Variants in NEBL observed in about 807,000 individuals in gnomAD.
NEBL encodes LIM and SH3 protein 2.
NEBL carries 122 observed loss-of-function variants against 140.2 expected under a neutral mutation model. The ratio of observed to expected loss-of-function variants is 0.87; its 90% CI spans 0.75 to 1.01. The LOEUF is 1.01. Ranked by LOEUF, NEBL falls within the 50% of genes least tolerant of loss-of-function variation. The probability of loss-of-function intolerance (pLI) is 0.00; values close to 1 mark genes in which losing one functional copy is unlikely to be tolerated. For missense variants in NEBL, 1,365 were observed against 1,231.3 expected (o/e 1.11, Z -1.62); for synonymous variants, 436 against 398.9 (o/e 1.09, Z -1.11).
intron 24 of NEBL, among the ~76,000 whole-genome samples, chr10:20,811,054 C>T (rs1007513382): frequency 7.9e-5 from 12 of 152,224 alleles, no homozygotes; most frequent in African/African-American, 1.9e-4. Flanking sequence ...AATCTCTAAA[C>T]GTGTATTTTC....
rs1277936811 is a variant in NEBL, at chr10:21,265,362, A to G, written n.183-13534T>C. The stretch of plus-strand genomic sequence containing the variant: ...GGGGCAGTGGGAGGGGGACACCAAC[A>G]TTCAAACCACAGCAGCCTCTTACTC... On this transcript the variant is annotated intron_variant and non_coding_transcript_variant, in intron 1 of 8. Transcript: ENST00000675702. Among the ~76,000 whole-genome samples the G allele has an allele frequency of 2.0e-5, 3 of 152,200 alleles. No homozygotes were observed. In the East Asian group the frequency reaches 5.8e-4, roughly 29 times the overall value.
intron 2 of NEBL, among the ~76,000 whole-genome samples, chr10:21,130,889 A>G (rs1839071463): frequency 6.6e-6 from 1 of 152,064 alleles, no homozygotes; most frequent in Non-Finnish European, 1.5e-5. Context: ...AATAAAAATT[A>G]GAGCAGAAAA....
At chr10:21,005,310 G>C (rs1334605480) in intron 3 of NEBL, among the ~76,000 whole-genome samples, 1 of 152,218 alleles carries the variant, frequency 6.6e-6, no homozygotes, top group Non-Finnish European at 1.5e-5. Flanking sequence ...TAAGAAATCA[G>C]CAGGGAGACC....
intron 2 of NEBL, among the ~76,000 whole-genome samples, chr10:21,160,991 G>T (rs1180118884): frequency 6.6e-6 from 1 of 151,980 alleles, no homozygotes; most frequent in Non-Finnish European, 1.5e-5. Context: ...TACCTTTGTA[G>T]ACATTATTCT....
chr10:20,880,919 T>A lies in NEBL; in HGVS notation c.370-15A>T, dbSNP rs751360526. 3 of 1,599,940 alleles carry A rather than the reference T, an allele frequency of 1.9e-6. No homozygotes were observed. Among genetic ancestry groups the A allele is most frequent in the South Asian group, 2.2e-5 (2 of 90,836 alleles). ...TTGTAGGCCACCTGAAAAACACAAA[T>A]AATTTTTAGTCCCATTTAGAGGCAT... On this transcript the variant is annotated splice_polypyrimidine_tract_variant and intron_variant, in intron 4 of 27. Coordinates refer to ENST00000377122, the MANE Select transcript of NEBL (RefSeq NM_006393.3).
intron 1 of NEBL, among the ~76,000 whole-genome samples, chr10:21,275,637 CTTTT>C (rs11396394): frequency 8.4e-6 from 1 of 119,522 alleles, no homozygotes; most frequent in African/African-American, 3.4e-5. Context: ...ACATTACCAG[CTTTT>C]TTTTTTTTTT....
At chr10:20,834,206 G>T (rs1052739082) in intron 14 of NEBL, among the ~76,000 whole-genome samples, 2 of 152,016 alleles carry the variant, frequency 1.3e-5, no homozygotes, top group East Asian at 3.9e-4. Flanking sequence ...CTTAAATGGG[G>T]TCTGACCCCA....
rs767740369 is a variant in NEBL at position 21,071,202 on chromosome 10, ATAT to A, written c.165-51004_165-51002del. On this transcript the variant is annotated intron_variant, in intron 2 of 6. Transcript: ENST00000417816. ...AAATAATAATAATATTTTATTTTTA[ATAT>A]TATTATAATTTTTAAATAATATTAT... 6.7e-5 allele frequency among the ~76,000 whole-genome samples: 10 copies of A among 149,082 alleles called. No individual in the cohort carries two copies. The East Asian group carries it at 1.4e-3, about 20-fold the overall frequency.
At chr10:21,254,090 G>A (rs1842623958) in intron 1 of NEBL, among the ~76,000 whole-genome samples, 1 of 152,098 alleles carries the variant, frequency 6.6e-6, no homozygotes, top group South Asian at 2.1e-4. Flanking sequence ...AATATGGATG[G>A]ATTTCTAATT....
chr10:21,064,698 A>G (rs1835455048), intron 2 of NEBL, among the ~76,000 whole-genome samples: 1 of 152,226 alleles, frequency 6.6e-6, no homozygotes, highest in Non-Finnish European at 1.5e-5. Context: ...TTTTTACCAT[A>G]TCAAAATGAA....
chr10:20,914,027 G>C (rs562884988), intron 4 of NEBL, among the ~76,000 whole-genome samples: 1 of 152,120 alleles, frequency 6.6e-6, no homozygotes, highest in Non-Finnish European at 1.5e-5. Flanking sequence ...CTACACTCAG[G>C]TTCAACCTCC....
At chr10:21,241,108 G>C (rs1444941865) in intron 3 of NEBL, among the ~76,000 whole-genome samples, 1 of 151,906 alleles carries the variant, frequency 6.6e-6, no homozygotes, top group African/African-American at 2.4e-5. Context: ...ATTGAAATAT[G>C]TTTCACTACC....
chr10:20,828,052 C>A (rs1285645676), intron 17 of NEBL, among the ~76,000 whole-genome samples: 1 of 151,568 alleles, frequency 6.6e-6, no homozygotes, highest in Non-Finnish European at 1.5e-5. Context: ...AAAACCTGCA[C>A]AGGTACCCCC....
intron 4 of NEBL, among the ~76,000 whole-genome samples, chr10:20,947,461 C>T (rs887005818): frequency 5.9e-5 from 9 of 152,100 alleles, no homozygotes; most frequent in African/African-American, 2.2e-4. Flanking sequence ...ATTCCCCTCC[C>T]CACCCCACTA....
chr10:20,867,906 A>G (rs1844466916), intron 7 of NEBL: 2 of 152,044 alleles, frequency 1.3e-5, no homozygotes, highest in Admixed American at 6.6e-5. Flanking sequence ...CACCAATCCC[A>G]TATTGATTTA....
chr10:21,148,587 G>A (rs10828199), intron 2 of NEBL, among the ~76,000 whole-genome samples: 6,143 of 152,114 alleles, frequency 0.04, 250 homozygotes, highest in East Asian at 0.2. Context: ...GTGCAGTGGC[G>A]TGATCTCAGC....
intron 26 of NEBL, among the ~76,000 whole-genome samples, chr10:20,792,237 G>T (rs146722329): frequency 4.7e-4 from 71 of 151,822 alleles, no homozygotes; most frequent in Non-Finnish European, 9.9e-4. Flanking sequence ...CTTACTTTTT[G>T]AAAAAATCCA....
chr10:21,145,378 T>C (rs1398277458), intron 2 of NEBL, among the ~76,000 whole-genome samples: 1 of 152,212 alleles, frequency 6.6e-6, no homozygotes, highest in Non-Finnish European at 1.5e-5. Flanking sequence ...TGGGGAATGG[T>C]TAAATAAATG....
At chr10:21,006,208 C>T (rs1311990236) in intron 3 of NEBL, among the ~76,000 whole-genome samples, 1 of 152,200 alleles carries the variant, frequency 6.6e-6, no homozygotes, top group African/African-American at 2.4e-5. Flanking sequence ...GCTCTGTTTC[C>T]AGTTTTGTGC....
Sources: allele counts gnomAD v4.1 joint callset (sites outside exome capture counted in the v4.1 genomes callset), GRCh38; gene constraint gnomAD v4.1.1; transcripts MANE v1.5; gene names NCBI Gene and HGNC (gene_info 2026-07-23, HGNC 2026-07-21).